LRBA: variants seen among roughly 807,000 people sequenced by gnomAD.
LRBA encodes lipopolysaccharide-responsive and beige-like anchor protein.
LRBA carries 176 observed loss-of-function variants against 330.0 expected under a neutral mutation model. That is an observed-to-expected ratio of 0.53 (90% CI 0.47 to 0.60). The LOEUF (loss-of-function observed/expected upper bound fraction) is 0.60. Among genes scored for constraint, LRBA ranks in the 20% least tolerant of loss-of-function variants. The pLI is 0.00. For missense variants in LRBA, 3,259 were observed against 3,444.8 expected (o/e 0.95, Z 1.35); for synonymous variants, 1,230 against 1,193.0 (o/e 1.03, Z -0.64).
chr4:150,977,545 G>A (rs754134328), intron 2 of LRBA, among the ~76,000 whole-genome samples: 6 of 152,090 alleles, frequency 3.9e-5, no homozygotes, highest in African/African-American at 1.2e-4. Flanking sequence ...GAAACGTGCC[G>A]GCTTCAGGAA....
intron 47 of LRBA, among the ~76,000 whole-genome samples, chr4:150,350,865 A>C (rs554048946): frequency 1.3e-5 from 2 of 152,310 alleles, no homozygotes; most frequent in East Asian, 3.9e-4. Flanking sequence ...TTTACCATCC[A>C]CTTGAAATAT....
chr4:150,282,536 C>A lies in LRBA; in HGVS notation c.8230G>T (p.Val2744Phe). Residue 2744 changes from valine to phenylalanine, a missense_variant, in exon 55 of 57, where the codon GTC becomes TTC. Coordinates refer to ENST00000651943, the MANE Select transcript of LRBA (RefSeq NM_001364905.1). The part of the protein sequence containing the change: ...LIQASREGHC[V>F]IFYENGLFCT... ...AAGAGGCCGTTTTCATAGAATATGACACAATGACCCTCTCTTGAAGCCTGA... is the reference window on the plus strand; with the variant it reads ...AAGAGGCCGTTTTCATAGAATATGAAACAATGACCCTCTCTTGAAGCCTGA... 6.2e-7 allele frequency: 1 copy of A among 1,614,058 alleles called. No individual in the cohort carries two copies.
At chr4:150,795,231 A>T (rs1403923786) in intron 34 of LRBA, among the ~76,000 whole-genome samples, 1 of 152,126 alleles carries the variant, frequency 6.6e-6, no homozygotes, top group African/African-American at 2.4e-5. Context: ...ACTTTATATA[A>T]TGCTGGAGTA....
chr4:151,005,486 T>C (rs1286959562), intron 2 of LRBA, among the ~76,000 whole-genome samples: 3 of 139,514 alleles, frequency 2.2e-5, no homozygotes, highest in African/African-American at 8.3e-5. Context: ...CCACATTAGA[T>C]GAGAGCTAAT....
At chr4:150,932,871 G>A (rs568669859) in intron 2 of LRBA, among the ~76,000 whole-genome samples, 99 of 151,934 alleles carry the variant, frequency 6.5e-4, no homozygotes, top group Non-Finnish European at 1.1e-3. Flanking sequence ...AGCCAAGATC[G>A]CATCACTGCA....
intron 2 of LRBA, among the ~76,000 whole-genome samples, chr4:150,930,956 C>T (rs948823054): frequency 1.3e-5 from 2 of 152,172 alleles, no homozygotes; most frequent in Non-Finnish European, 2.9e-5. Context: ...TGGATAAACG[C>T]TATAAGCTAT....
intron 21 of LRBA, 47 bp downstream of exon 21, chr4:150,868,135 A>G (rs537918728): frequency 1.5e-5 from 23 of 1,547,416 alleles, no homozygotes; most frequent in Middle Eastern, 3.5e-4. Context: ...GGCTTATACA[A>G]AAGTACATTT....
intron 36 of LRBA, among the ~76,000 whole-genome samples, chr4:150,715,383 T>C (rs765173437): frequency 2.6e-5 from 4 of 152,110 alleles, no homozygotes; most frequent in African/African-American, 4.8e-5. Flanking sequence ...TTTGTAGCCA[T>C]AAATAATTAA....
intron 56 of LRBA, among the ~76,000 whole-genome samples, chr4:150,270,833 A>C (rs750321138): frequency 1.4e-4 from 22 of 152,208 alleles, no homozygotes; most frequent in Non-Finnish European, 2.5e-4. Flanking sequence ...AGAGATATGC[A>C]GAGATAAAGG....
At chr4:150,294,719 A>G (rs766444263) in intron 53 of LRBA, among the ~76,000 whole-genome samples, 2 of 152,226 alleles carry the variant, frequency 1.3e-5, no homozygotes, top group Non-Finnish European at 2.9e-5. Context: ...TGGGAGGCCA[A>G]GGTGGGCGGA....
chr4:150,621,435 A>G (rs1321632411), intron 37 of LRBA, among the ~76,000 whole-genome samples: 1 of 152,198 alleles, frequency 6.6e-6, no homozygotes, highest in African/African-American at 2.4e-5. Flanking sequence ...GTACTATAAA[A>G]GCAACACAGT....
At chr4:150,545,396 C>T (rs180810625) in intron 40 of LRBA, among the ~76,000 whole-genome samples, 3 of 152,156 alleles carry the variant, frequency 2.0e-5, no homozygotes, top group Non-Finnish European at 2.9e-5. Context: ...TCATATCCTT[C>T]GTGATATCTG....
At chr4:150,289,930 G>A (rs1384908805) in intron 53 of LRBA, among the ~76,000 whole-genome samples, 1 of 152,188 alleles carries the variant, frequency 6.6e-6, no homozygotes, top group Non-Finnish European at 1.5e-5. Context: ...GGGTAGCGGG[G>A]ATAATCGGAG....
At chr4:150,692,492 T>C (rs1044048797) in intron 36 of LRBA, among the ~76,000 whole-genome samples, 5 of 152,070 alleles carry the variant, frequency 3.3e-5, no homozygotes, top group African/African-American at 1.2e-4. Flanking sequence ...AGTGCTGGGA[T>C]TACAGGCATG....
At chr4:150,322,056 A>G (rs552585497) in intron 49 of LRBA, among the ~76,000 whole-genome samples, 1 of 152,322 alleles carries the variant, frequency 6.6e-6, no homozygotes, top group South Asian at 2.1e-4. Flanking sequence ...AACACTGCCT[A>G]TTGTAATGCA....
intron 40 of LRBA, among the ~76,000 whole-genome samples, chr4:150,491,929 T>C (rs898552297): frequency 6.6e-6 from 1 of 152,148 alleles, no homozygotes; most frequent in Non-Finnish European, 1.5e-5. Flanking sequence ...CCTGATATTC[T>C]ATGACAGCAA....
At chr4:150,642,014 G>T (rs181768209) in intron 37 of LRBA, among the ~76,000 whole-genome samples, 18 of 152,052 alleles carry the variant, frequency 1.2e-4, no homozygotes, top group Admixed American at 1.0e-3. Context: ...AAACTACTGA[G>T]TCAAATTTAA....
chr4:150,275,898 C>A (rs1746701923), intron 56 of LRBA, among the ~76,000 whole-genome samples: 1 of 152,164 alleles, frequency 6.6e-6, no homozygotes, highest in South Asian at 2.1e-4. Context: ...CATCAAGCTA[C>A]CATTGACTTT....
chr4:150,779,493 CTTAAG>C (rs1187308514), intron 34 of LRBA, among the ~76,000 whole-genome samples: 1 of 151,628 alleles, frequency 6.6e-6, no homozygotes, highest in Non-Finnish European at 1.5e-5. Context: ...TTTTAATATA[CTTAAG>C]TTGATAAGGA....
Sources: gnomAD v4.1 joint callset for allele counts (sites outside exome capture counted in the v4.1 genomes callset) on GRCh38, gnomAD v4.1.1 for gene constraint, MANE v1.5 for transcripts, NCBI Gene and HGNC (gene_info 2026-07-23, HGNC 2026-07-21) for gene names.